Variants in PTGFR observed in about 807,000 individuals in gnomAD.
The protein encoded by PTGFR is prostaglandin F2-alpha receptor.
A neutral mutation model predicts 26.2 loss-of-function variants in PTGFR; 15 were observed. That is an observed-to-expected ratio of 0.57 (90% CI 0.38 to 0.88). The LOEUF is 0.88. Among genes scored for constraint, PTGFR ranks in the 40% least tolerant of loss-of-function variants. PTGFR has a pLI of 0.00. For synonymous variants in PTGFR, 165 were observed against 151.1 expected (o/e 1.09, Z -0.68); for missense variants, 369 against 427.2 (o/e 0.86, Z 1.20).
intron 2 of PTGFR, among the ~76,000 whole-genome samples, chr1:78,517,370 C>T (rs188134179): frequency 5.3e-5 from 8 of 151,880 alleles, no homozygotes; most frequent in Non-Finnish European, 8.8e-5. Flanking sequence ...GGGGTAAGGA[C>T]GGTTTGGAAA....
intron 2 of PTGFR, among the ~76,000 whole-genome samples, chr1:78,500,971 T>G (rs1355464606): frequency 1.3e-5 from 2 of 152,186 alleles, no homozygotes; most frequent in African/African-American, 4.8e-5. Context: ...ACTTTGTTAT[T>G]TTAAACTTAT....
rs142817785 is a variant in PTGFR, at chr1:78,516,746, TA to T, written c.799-19658del. Among the ~76,000 whole-genome samples the T allele has an allele frequency of 1.3e-3, 198 of 152,206 alleles. 1 individual carries two copies. Among genetic ancestry groups the T allele is most frequent in the African/African-American group, 4.7e-3 (195 of 41,546 alleles). ...ACTAAAAATAACCTAGATTTGTACA[TA>T]ATTTTTTTTTTCCTTTGAGAAGTCG... On this transcript the variant is annotated intron_variant, in intron 2 of 2. Transcript: ENST00000370757.
intron 2 of PTGFR, among the ~76,000 whole-genome samples, chr1:78,528,294 C>CAAAAAAAA (rs35137595): frequency 9.9e-5 from 2 of 20,118 alleles, no homozygotes; most frequent in African/African-American, 1.5e-4. Context: ...AGAAAGTTAG[C>CAAAAAAAA]AAAAAAAAAA....
intron 2 of PTGFR, among the ~76,000 whole-genome samples, chr1:78,521,111 C>T (rs1650211598): frequency 6.6e-6 from 1 of 152,096 alleles, no homozygotes; most frequent in Non-Finnish European, 1.5e-5. Context: ...CCACTCCCTT[C>T]TGTACCAGCT....
At chr1:78,505,698 C>T (rs1019554914) in intron 2 of PTGFR, among the ~76,000 whole-genome samples, 4 of 152,132 alleles carry the variant, frequency 2.6e-5, no homozygotes, top group Non-Finnish European at 4.4e-5. Flanking sequence ...AGTCACTCCC[C>T]ACACCCCAAA....
At chr1:78,493,652 T>C in intron 2 of PTGFR, 111 bp downstream of exon 2, 3 of 1,065,784 alleles carry the variant, frequency 2.8e-6, no homozygotes, top group Non-Finnish European at 2.6e-6. Flanking sequence ...ACTCAAAATT[T>C]ATTTCAGCAC....
chr1:78,534,524 G>A (rs1319843227), intron 2 of PTGFR, among the ~76,000 whole-genome samples: 7 of 151,852 alleles, frequency 4.6e-5, no homozygotes, highest in Non-Finnish European at 8.8e-5. Flanking sequence ...AATTTCTTAG[G>A]GGAAAAAACA....
intron 2 of PTGFR, among the ~76,000 whole-genome samples, chr1:78,494,097 A>AT (rs1175133135): frequency 2.0e-5 from 3 of 152,254 alleles, no homozygotes; most frequent in African/African-American, 7.2e-5. Context: ...AGGGAGAGGT[A>AT]TGTTTGGCAG....
At chr1:78,534,892 C>G (rs528430577) in intron 2 of PTGFR, among the ~76,000 whole-genome samples, 1 of 152,236 alleles carries the variant, frequency 6.6e-6, no homozygotes, top group South Asian at 2.1e-4. Context: ...TACTAATATA[C>G]TAATGATAAA....
chr1:78,492,326 A>T (rs1441883768), intron 1 of PTGFR, among the ~76,000 whole-genome samples: 1 of 152,222 alleles, frequency 6.6e-6, no homozygotes, highest in Non-Finnish European at 1.5e-5. Context: ...CTTAGGATTT[A>T]AAAAATCTTA....
intron 2 of PTGFR, among the ~76,000 whole-genome samples, chr1:78,507,743 C>T (rs1332053180): frequency 1.3e-5 from 2 of 152,092 alleles, no homozygotes; most frequent in African/African-American, 4.8e-5. Flanking sequence ...CATATTGTCT[C>T]CATTCTAATG....
At chr1:78,510,167 C>A (rs1291795594) in intron 2 of PTGFR, among the ~76,000 whole-genome samples, 58 of 152,308 alleles carry the variant, frequency 3.8e-4, no homozygotes, top group Admixed American at 6.5e-4. Flanking sequence ...CTATCCCTCT[C>A]CTCTAGAAGG....
chr1:78,533,558 G>T lies in PTGFR; in HGVS notation c.799-2848G>T, dbSNP rs557838388. 2.0e-4 allele frequency among the ~76,000 whole-genome samples: 30 copies of T among 152,260 alleles called. No individual in the cohort carries two copies. The East Asian group carries it at 2.5e-3, about 13-fold the overall frequency. ...TTCTGTTTTACTCACATTAACTTGG[G>T]TCTTGGCGGTAGTGCCATCTAGCAC... On this transcript the variant is annotated intron_variant, in intron 2 of 2. Transcript: ENST00000370757.
At chr1:78,534,336 C>G (rs1650593939) in intron 2 of PTGFR, among the ~76,000 whole-genome samples, 1 of 152,160 alleles carries the variant, frequency 6.6e-6, no homozygotes, top group African/African-American at 2.4e-5. Flanking sequence ...GTCGAACCAG[C>G]TTGCAGACAT....
chr1:78,532,942 A>G (rs1650558065), intron 2 of PTGFR, among the ~76,000 whole-genome samples: 1 of 152,164 alleles, frequency 6.6e-6, no homozygotes. Context: ...TCAATCCACA[A>G]GGAAATATAT....
chr1:78,496,559 G>A (rs548302561), intron 2 of PTGFR, among the ~76,000 whole-genome samples: 4 of 152,274 alleles, frequency 2.6e-5, no homozygotes, highest in African/African-American at 4.8e-5. Context: ...AAACTGGAAC[G>A]AAGGTAGAGG....
At chr1:78,491,865 G>A (rs3766354) in intron 1 of PTGFR, among the ~76,000 whole-genome samples, 16,434 of 152,264 alleles carry the variant, frequency 0.11, 963 homozygotes, top group East Asian at 0.21. Context: ...GTGGCCTTGT[G>A]TATCCAGTGT....
chr1:78,492,176 TC>T (rs1426878042), intron 1 of PTGFR, among the ~76,000 whole-genome samples: 3 of 152,200 alleles, frequency 2.0e-5, no homozygotes, highest in Non-Finnish European at 4.4e-5. Context: ...AACTTGCTGG[TC>T]CCCTTCCAAA....
At position 78,537,034 on chromosome 1, in the gene PTGFR, C is replaced by G. The variant is rs184562488; in HGVS notation, c.*347C>G. ...TTTGCCAGAGAACATCTTAATGCAG[C>G]CTGCATAGTGAAATGGTTATTTTGA... On this transcript the variant is annotated 3_prime_UTR_variant, in exon 3 of 3. Transcript: ENST00000370757. 9.4e-6 allele frequency: 2 copies of G among 213,448 alleles called. No homozygotes were observed. The highest frequency in any genetic ancestry group is 1.1e-4 in the Admixed American group (2 of 17,860). The allele number at this position is 213,448 out of a possible 1,614,324, so 13.2% of individuals were successfully genotyped here.
Sources: allele counts gnomAD v4.1 joint callset (sites outside exome capture counted in the v4.1 genomes callset), GRCh38; gene constraint gnomAD v4.1.1; transcripts MANE v1.5; gene names NCBI Gene and HGNC (gene_info 2026-07-23, HGNC 2026-07-21).